The following ATP6V0A4 variants were observed in gnomAD, a reference collection of about 807,000 sequenced individuals.
ATP6V0A4 encodes V-type proton ATPase 116 kDa subunit a 4.
ATP6V0A4 carries 86 observed loss-of-function variants against 107.3 expected under a neutral mutation model. The ratio of observed to expected loss-of-function variants is 0.80; its 90% CI spans 0.67 to 0.96. The LOEUF is 0.96. Ranked by LOEUF, ATP6V0A4 falls within the 40% of genes least tolerant of loss-of-function variation. ATP6V0A4 has a pLI of 0.00. For missense variants in ATP6V0A4, 908 were observed against 1,045.6 expected, an observed-to-expected ratio of 0.87 and a Z score of 1.81; for synonymous variants, 353 against 381.4, an observed-to-expected ratio of 0.93 and a Z score of 0.87.
In ATP6V0A4 at chr7:138,728,872, C is replaced by T. The variant is rs1804846795; in HGVS notation, c.1909-10G>A. The T allele has an allele frequency of 6.2e-7, 1 of 1,613,880 alleles. No individual in the cohort carries two copies. The highest frequency in any genetic ancestry group is 1.1e-5 in the South Asian group (1 of 91,084). On this transcript the variant is annotated splice_polypyrimidine_tract_variant and intron_variant, in intron 17 of 21. Transcript: ENST00000310018. ...AACTTTGGACTTCTTGCTGCAAGAC[C>T]AAAATGGCGAGATCTCATCATTTTC...
chr7:138,796,323 C>T (rs755917026), intron 1 of ATP6V0A4, among the ~76,000 whole-genome samples: 23 of 152,194 alleles, frequency 1.5e-4, no homozygotes, highest in Non-Finnish European at 2.9e-4. Context: ...TCCTAGGGCA[C>T]GTTGGCCCTA....
At chr7:138,791,555 A>G (rs1168656023) in intron 1 of ATP6V0A4, among the ~76,000 whole-genome samples, 1 of 152,240 alleles carries the variant, frequency 6.6e-6, no homozygotes, top group Non-Finnish European at 1.5e-5. Flanking sequence ...ACCAAAGGCA[A>G]AGAAAAATTT....
intron 13 of ATP6V0A4, among the ~76,000 whole-genome samples, chr7:138,746,005 T>TATATATTTATAATATA (rs1367562666): frequency 0.013 from 1,359 of 103,902 alleles, 49 homozygotes; most frequent in African/African-American, 0.054. Context: ...ATATAAATAA[T>TATATATTTATAATATA]ATATATATTT....
intron 5 of ATP6V0A4, among the ~76,000 whole-genome samples, chr7:138,766,943 T>TAA (rs1807121843): frequency 6.6e-6 from 1 of 152,222 alleles, no homozygotes; most frequent in Non-Finnish European, 1.5e-5. Context: ...CCACTGCTTA[T>TAA]CTGTGTAAGG....
At chr7:138,742,144 C>T (rs777395497) in intron 14 of ATP6V0A4, among the ~76,000 whole-genome samples, 33 of 152,050 alleles carry the variant, frequency 2.2e-4, no homozygotes, top group Admixed American at 9.8e-4. Context: ...AAACTCATCT[C>T]GGCCGGGCAC....
chr7:138,761,644 AT>A (rs369232666), intron 7 of ATP6V0A4, among the ~76,000 whole-genome samples: 31,945 of 146,610 alleles, frequency 0.22, 3,847 homozygotes, highest in African/African-American at 0.34. Flanking sequence ...AAAAAAAAAA[AT>A]TCAAACTCCA....
At chr7:138,733,157 T>C in intron 16 of ATP6V0A4, 64 bp from the exon 17 acceptor site, 5 of 1,606,828 alleles carry the variant, frequency 3.1e-6, no homozygotes, top group Non-Finnish European at 3.4e-6. Flanking sequence ...GACTTAATTA[T>C]TCTCTCAAAG....
At chr7:138,749,734 C>G (rs1806134933) in intron 11 of ATP6V0A4, among the ~76,000 whole-genome samples, 1 of 152,056 alleles carries the variant, frequency 6.6e-6, no homozygotes. Flanking sequence ...CCACAAAATC[C>G]AGGAGTCTAA....
intron 14 of ATP6V0A4, among the ~76,000 whole-genome samples, chr7:138,744,611 C>A (rs1417170836): frequency 6.6e-6 from 1 of 152,202 alleles, no homozygotes; most frequent in Admixed American, 6.5e-5. Context: ...GTAGCTCATG[C>A]AGCTTTGACC....
intron 12 of ATP6V0A4, among the ~76,000 whole-genome samples, chr7:138,748,108 A>C (rs1201581707): frequency 2.0e-5 from 3 of 151,978 alleles, no homozygotes. Context: ...GGCTTACAGA[A>C]GCTAAGTGAC....
intron 7 of ATP6V0A4, among the ~76,000 whole-genome samples, chr7:138,760,768 T>C (rs888165553): frequency 2.0e-5 from 3 of 152,184 alleles, no homozygotes; most frequent in African/African-American, 7.2e-5. Flanking sequence ...GTGCCTCAAA[T>C]ATCAGGCCCT....
intron 19 of ATP6V0A4, 133 bp downstream of exon 19, chr7:138,721,764 C>T: frequency 9.9e-7 from 1 of 1,006,808 alleles, no homozygotes; most frequent in East Asian, 2.5e-5. Flanking sequence ...ACCTTCACAG[C>T]TTCCCAGGAC....
At chr7:138,736,875 G>A (rs1805351738) in intron 15 of ATP6V0A4, among the ~76,000 whole-genome samples, 2 of 151,758 alleles carry the variant, frequency 1.3e-5, no homozygotes, top group African/African-American at 4.8e-5. Context: ...CCGGCCTAGG[G>A]CTGTTATTAT....
intron 17 of ATP6V0A4, 56 bp downstream of exon 17, chr7:138,732,821 T>C: frequency 6.9e-7 from 1 of 1,439,452 alleles, no homozygotes; most frequent in Non-Finnish European, 9.4e-7. Context: ...AGGAGAGAAA[T>C]TTGACATAAT....
chr7:138,728,454 C>T (rs1306507395), intron 18 of ATP6V0A4, among the ~76,000 whole-genome samples: 2 of 151,944 alleles, frequency 1.3e-5, no homozygotes, highest in Non-Finnish European at 2.9e-5. Flanking sequence ...CTCAAACTCC[C>T]GACCTCAGGT....
At chr7:138,707,066 A>ATGTGTGTGTGTGTG (rs1178080469) in intron 21 of ATP6V0A4, among the ~76,000 whole-genome samples, 9 of 51,116 alleles carry the variant, frequency 1.8e-4, no homozygotes, top group Admixed American at 6.0e-4. Flanking sequence ...TAGCTAATTT[A>ATGTGTGTGTGTGTG]TATGTGTGTG....
At chr7:138,795,530 A>C (rs1251410065) in intron 1 of ATP6V0A4, among the ~76,000 whole-genome samples, 1 of 152,202 alleles carries the variant, frequency 6.6e-6, no homozygotes, top group African/African-American at 2.4e-5. Context: ...AACACATTAA[A>C]ATGCACCCAG....
chr7:138,767,013 A>G (rs1156864832), intron 5 of ATP6V0A4, among the ~76,000 whole-genome samples: 1 of 152,246 alleles, frequency 6.6e-6, no homozygotes, highest in Non-Finnish European at 1.5e-5. Flanking sequence ...TTAAAGTAGA[A>G]GCAGGTGTGA....
intron 2 of ATP6V0A4, among the ~76,000 whole-genome samples, chr7:138,777,017 C>T (rs1432640945): frequency 6.6e-6 from 1 of 152,034 alleles, no homozygotes; most frequent in African/African-American, 2.4e-5. Flanking sequence ...GGTGTGGTGG[C>T]GTGTGCCTGT....
Sources: allele counts gnomAD v4.1 joint callset (sites outside exome capture counted in the v4.1 genomes callset), GRCh38; gene constraint gnomAD v4.1.1; transcripts MANE v1.5; gene names NCBI Gene and HGNC (gene_info 2026-07-23, HGNC 2026-07-21).